PLA2G4E: variants seen among roughly 807,000 people sequenced by gnomAD.
The protein encoded by PLA2G4E is phospholipase A2 group IVE, also known as cytosolic phospholipase A2 epsilon.
A neutral mutation model predicts 109.1 loss-of-function variants in PLA2G4E; 84 were observed. The ratio of observed to expected loss-of-function variants is 0.77; its 90% CI spans 0.65 to 0.92. PLA2G4E has a LOEUF of 0.92. Among genes scored for constraint, PLA2G4E ranks in the 40% least tolerant of loss-of-function variants. PLA2G4E has a pLI of 0.00. For missense variants in PLA2G4E, 1,057 were observed against 1,076.6 expected (o/e 0.98, Z 0.25); for synonymous variants, 469 against 436.1 (o/e 1.08, Z -0.94).
At chr15:42,049,123 C>T (rs1002191019) in intron 1 of PLA2G4E, among the ~76,000 whole-genome samples, 1 of 152,262 alleles carries the variant, frequency 6.6e-6, no homozygotes, top group Admixed American at 6.5e-5. Context: ...ACCTGCTCAC[C>T]GGAGACAGGG....
At chr15:42,013,578 T>TCC (rs1205358547) in intron 2 of PLA2G4E, 107 bp downstream of exon 2, 1 of 1,067,402 alleles carries the variant, frequency 9.4e-7, no homozygotes, top group African/African-American at 1.6e-5. Context: ...CGTGCACACG[T>TCC]GCGCGCGCAC....
intron 1 of PLA2G4E, among the ~76,000 whole-genome samples, chr15:42,015,750 G>T (rs533828437): frequency 7.2e-5 from 11 of 152,248 alleles, no homozygotes; most frequent in African/African-American, 2.6e-4. Flanking sequence ...AAGCTTCCCC[G>T]CCATCAGTCA....
At chr15:42,007,889 C>A (rs2068493643) in intron 2 of PLA2G4E, 24 bp from the exon 3 acceptor site, 1 of 1,586,350 alleles carries the variant, frequency 6.3e-7, no homozygotes. Context: ...ATAAGTGGAA[C>A]CAATCCAGGT....
At chr15:42,010,281 TA>T (rs2068523568) in intron 2 of PLA2G4E, 1 of 390,106 alleles carries the variant, frequency 2.6e-6, no homozygotes, top group African/African-American at 2.1e-5. Flanking sequence ...CCCTTCCCTC[TA>T]AAATTGTTTT....
At chr15:41,982,203 G>A (rs1389048346) in exon 20 of PLA2G4E, 2 of 152,150 alleles carry the variant, frequency 1.3e-5, no homozygotes, top group Non-Finnish European at 2.9e-5. Flanking sequence ...CGCCTTCCAG[G>A]GTTGCTGGGT....
At position 42,007,884 on chromosome 15, in the gene PLA2G4E, T is replaced by A. The variant is rs1326339212; in HGVS notation, c.257-19A>T. ...TGGCTCACTGTCCAAGAAAGATAAG[T>A]GGAACCAATCCAGGTTCAGAGAGAA... On this transcript the variant is annotated intron_variant, in intron 2 of 19. Coordinates refer to ENST00000399518, the Ensembl canonical transcript of PLA2G4E. The A allele has an allele frequency of 5.0e-6, 8 of 1,590,116 alleles. No homozygotes were observed. Among genetic ancestry groups the A allele is most frequent in the Non-Finnish European group, 6.9e-6 (8 of 1,166,936 alleles).
chr15:42,000,904 G>A (rs1474217304), intron 7 of PLA2G4E, among the ~76,000 whole-genome samples: 1 of 152,206 alleles, frequency 6.6e-6, no homozygotes, highest in Admixed American at 6.5e-5. Flanking sequence ...GATAGAGGGA[G>A]CAGCACTGGG....
chr15:42,026,013 A>G (rs2141068471), intron 1 of PLA2G4E, among the ~76,000 whole-genome samples: 1 of 152,374 alleles, frequency 6.6e-6, no homozygotes, highest in East Asian at 1.9e-4. Flanking sequence ...AAATAGGGAA[A>G]TATTGTCAGT....
chr15:41,997,039 G>A lies in PLA2G4E; in HGVS notation c.1110+85C>T, dbSNP rs552717718. 33 of 1,428,804 alleles carry A rather than the reference G, an allele frequency of 2.3e-5. No homozygotes were observed. The East Asian group carries it at 7.4e-4, about 32-fold the overall frequency. 88.5% of individuals were successfully genotyped at this position (1,428,804 alleles called of 1,614,324 possible). ...AGCATCCATGGAGGTGGCGCCTGGGGTAGGGCAGGGCCTGGGTTGGCTGGG... is the reference window on the plus strand; with the variant it reads ...AGCATCCATGGAGGTGGCGCCTGGGATAGGGCAGGGCCTGGGTTGGCTGGG... On this transcript the variant is annotated intron_variant, in intron 11 of 19. Transcript: ENST00000399518.
chr15:42,001,100 G>T, intron 7 of PLA2G4E, 57 bp downstream of exon 7: 1 of 1,525,878 alleles, frequency 6.6e-7, no homozygotes, highest in South Asian at 1.1e-5. Context: ...ATGCTGATGG[G>T]ATTTGGAAGC....
At chr15:42,021,301 C>T (rs915530555) in intron 1 of PLA2G4E, among the ~76,000 whole-genome samples, 1 of 151,852 alleles carries the variant, frequency 6.6e-6, no homozygotes, top group African/African-American at 2.4e-5. Context: ...TTCAAGGGCA[C>T]AGTGGGTGGC....
intron 8 of PLA2G4E, 35 bp downstream of exon 8, chr15:42,000,069 C>T (rs930124583): frequency 4.4e-6 from 7 of 1,574,188 alleles, no homozygotes; most frequent in African/African-American, 1.4e-5. Flanking sequence ...CTGTCCCAGT[C>T]CCCCACACCT....
At chr15:42,009,630 G>A (rs919485128) in intron 2 of PLA2G4E, among the ~76,000 whole-genome samples, 1 of 152,082 alleles carries the variant, frequency 6.6e-6, no homozygotes, top group Non-Finnish European at 1.5e-5. Flanking sequence ...CCCCTGCCCT[G>A]TGTGTGCGAG....
chr15:42,034,802 A>G (rs1016634056), intron 1 of PLA2G4E, among the ~76,000 whole-genome samples: 5 of 152,264 alleles, frequency 3.3e-5, no homozygotes, highest in Non-Finnish European at 5.9e-5. Flanking sequence ...TCCTGAGGAC[A>G]TGATCTGGAC....
At chr15:41,983,792 C>T in exon 20 of PLA2G4E, 1 of 1,605,386 alleles carries the variant, frequency 6.2e-7, no homozygotes, top group Non-Finnish European at 8.5e-7. Context: ...TTCTTCTTCT[C>T]CACTGCGAGC....
intron 16 of PLA2G4E, among the ~76,000 whole-genome samples, chr15:41,987,593 G>A (rs1045235755): frequency 2.0e-5 from 3 of 152,074 alleles, no homozygotes; most frequent in Non-Finnish European, 2.9e-5. Flanking sequence ...GAGGGGGAGC[G>A]AGACAGCTAA....
intron 1 of PLA2G4E, among the ~76,000 whole-genome samples, chr15:42,050,141 C>T (rs1320519258): frequency 6.6e-6 from 1 of 152,230 alleles, no homozygotes; most frequent in African/African-American, 2.4e-5. Context: ...CTTGTTCACT[C>T]TTCTCAGCAT....
At chr15:42,040,222 A>G (rs1029890771) in intron 1 of PLA2G4E, among the ~76,000 whole-genome samples, 11 of 151,980 alleles carry the variant, frequency 7.2e-5, no homozygotes, top group African/African-American at 2.4e-4. Flanking sequence ...ACACACCTAC[A>G]CACACACTAC....
At chr15:41,996,294 G>A (rs1176766754) in intron 11 of PLA2G4E, among the ~76,000 whole-genome samples, 10 of 145,688 alleles carry the variant, frequency 6.9e-5, no homozygotes, top group African/African-American at 2.6e-4. Context: ...GCTGCAGTGA[G>A]CTGTGATGGT....
Sources: allele counts gnomAD v4.1 joint callset (sites outside exome capture counted in the v4.1 genomes callset), GRCh38; gene constraint gnomAD v4.1.1; transcripts MANE v1.5; gene names NCBI Gene and HGNC (gene_info 2026-07-23, HGNC 2026-07-21).